Variants in FHIP1A observed in about 807,000 individuals in gnomAD.
FHIP1A encodes FHF complex subunit HOOK-interacting protein 1A.
A neutral mutation model predicts 88.6 loss-of-function variants in FHIP1A; 61 were observed. That is an observed-to-expected ratio of 0.69 (90% CI 0.56 to 0.85). The LOEUF is 0.85. FHIP1A is among the 40% of genes least tolerant of loss of function. The pLI is 0.00. For synonymous variants in FHIP1A, 478 were observed against 496.0 expected (o/e 0.96, Z 0.48); for missense variants, 1,154 against 1,273.5 (o/e 0.91, Z 1.43).
chr4:151,412,843 C>T (rs1279789299), intron 1 of FHIP1A, among the ~76,000 whole-genome samples: 1 of 151,470 alleles, frequency 6.6e-6, no homozygotes, highest in Admixed American at 6.6e-5. Context: ...CACCACCACG[C>T]CTGGCTAATT....
At chr4:151,473,322 T>A (rs997612681) in intron 2 of FHIP1A, among the ~76,000 whole-genome samples, 16 of 152,126 alleles carry the variant, frequency 1.1e-4, no homozygotes, top group African/African-American at 2.4e-4. Flanking sequence ...ATCTTTTTTT[T>A]AAAATTTATT....
rs1268244497 is a variant in FHIP1A, at chr4:151,669,129, A to G, written c.*6375A>G. Among the ~76,000 whole-genome samples, 1 of 152,268 alleles carries G rather than the reference A, an allele frequency of 6.6e-6. No homozygotes were observed. The highest frequency in any genetic ancestry group is 1.9e-4 in the East Asian group (1 of 5,202). Reference sequence around the variant, plus strand: ...ATCTTTGCGAATTTCTTGGGGTGTTAATGTAAACATATCTTTAGAATATCT... The same window carrying G: ...ATCTTTGCGAATTTCTTGGGGTGTTGATGTAAACATATCTTTAGAATATCT... On this transcript the variant is annotated 3_prime_UTR_variant, in exon 14 of 14. Transcript: ENST00000435205.
At chr4:151,526,345 C>T (rs138610642) in intron 3 of FHIP1A, among the ~76,000 whole-genome samples, 12,235 of 150,900 alleles carry the variant, frequency 0.081, 796 homozygotes, top group South Asian at 0.27. Context: ...CGGGCAGAGG[C>T]GCCCCTCACC....
At chr4:151,630,975 T>G (rs1352873577) in intron 8 of FHIP1A, among the ~76,000 whole-genome samples, 1 of 152,142 alleles carries the variant, frequency 6.6e-6, no homozygotes, top group Non-Finnish European at 1.5e-5. Flanking sequence ...AGACAAAATA[T>G]ATCCAGACTT....
At chr4:151,602,525 A>G (rs1215842590) in intron 7 of FHIP1A, among the ~76,000 whole-genome samples, 1 of 152,146 alleles carries the variant, frequency 6.6e-6, no homozygotes, top group Non-Finnish European at 1.5e-5. Context: ...GTGGGGAGGG[A>G]GAGAGTGACA....
chr4:151,551,446 A>G (rs993691779), intron 3 of FHIP1A, among the ~76,000 whole-genome samples: 1 of 152,246 alleles, frequency 6.6e-6, no homozygotes, highest in African/African-American at 2.4e-5. Flanking sequence ...CTATAAGGCT[A>G]CAGTAACCAA....
chr4:151,430,395 C>T (rs1380596139), intron 1 of FHIP1A, among the ~76,000 whole-genome samples: 1 of 152,166 alleles, frequency 6.6e-6, no homozygotes, highest in Non-Finnish European at 1.5e-5. Flanking sequence ...AGAACTGGGA[C>T]CACATTCTTT....
chr4:151,516,693 A>T (rs1290073488), intron 3 of FHIP1A, among the ~76,000 whole-genome samples: 1 of 152,272 alleles, frequency 6.6e-6, no homozygotes. Context: ...CAAAAGACAC[A>T]TGAAAAAATG....
intron 3 of FHIP1A, among the ~76,000 whole-genome samples, chr4:151,516,029 C>T (rs1484027383): frequency 1.3e-5 from 2 of 152,206 alleles, no homozygotes; most frequent in East Asian, 3.9e-4. Flanking sequence ...CTGGAGGCAT[C>T]ACACTACCTG....
At chr4:151,516,360 C>G (rs544831844) in intron 3 of FHIP1A, among the ~76,000 whole-genome samples, 10 of 151,880 alleles carry the variant, frequency 6.6e-5, no homozygotes, top group Admixed American at 2.6e-4. Context: ...AGAAGAAAAC[C>G]TAGGCATTAC....
intron 3 of FHIP1A, among the ~76,000 whole-genome samples, chr4:151,558,500 C>T (rs1262837747): frequency 1.3e-5 from 2 of 152,076 alleles, no homozygotes; most frequent in Non-Finnish European, 2.9e-5. Context: ...CGTCACTGTA[C>T]TCCAGCCTGA....
chr4:151,605,397 C>T (rs1735033351), intron 7 of FHIP1A, among the ~76,000 whole-genome samples: 1 of 152,094 alleles, frequency 6.6e-6, no homozygotes, highest in Admixed American at 6.5e-5. Flanking sequence ...ACATACCATC[C>T]CTTCTGCAGG....
chr4:151,415,338 C>A (rs1289383032), intron 1 of FHIP1A, among the ~76,000 whole-genome samples: 3 of 152,100 alleles, frequency 2.0e-5, no homozygotes, highest in Admixed American at 1.3e-4. Context: ...AGGTGTGCAT[C>A]ACCATGTCTG....
chr4:151,536,879 A>AT (rs1165443549), intron 3 of FHIP1A, among the ~76,000 whole-genome samples: 1 of 151,460 alleles, frequency 6.6e-6, no homozygotes, highest in African/African-American at 2.4e-5. Context: ...TTTATTCTTT[A>AT]TTTTTTTGTT....
intron 3 of FHIP1A, among the ~76,000 whole-genome samples, chr4:151,518,529 C>T (rs1418119100): frequency 6.6e-6 from 1 of 152,040 alleles, no homozygotes; most frequent in Non-Finnish European, 1.5e-5. Context: ...AAATTTCAAA[C>T]ATAGAGCAAA....
At chr4:151,489,376 G>C (rs1730201546) in intron 3 of FHIP1A, among the ~76,000 whole-genome samples, 1 of 152,154 alleles carries the variant, frequency 6.6e-6, no homozygotes, top group African/African-American at 2.4e-5. Context: ...AATTGGGGAG[G>C]GGCCACAGAG....
chr4:151,515,008 G>T (rs1408624253), intron 3 of FHIP1A, among the ~76,000 whole-genome samples: 2 of 151,956 alleles, frequency 1.3e-5, no homozygotes, highest in African/African-American at 4.8e-5. Flanking sequence ...CCAAAAAAGA[G>T]AATTTTAGAC....
chr4:151,575,002 CA>C (rs1358024208), intron 4 of FHIP1A, among the ~76,000 whole-genome samples: 3 of 151,958 alleles, frequency 2.0e-5, no homozygotes, highest in South Asian at 2.1e-4. Context: ...GTCAGATTAA[CA>C]AGTCAAAGGG....
intron 2 of FHIP1A, among the ~76,000 whole-genome samples, chr4:151,462,797 A>G (rs571305242): frequency 6.6e-6 from 1 of 152,326 alleles, no homozygotes; most frequent in East Asian, 1.9e-4. Context: ...AGCATGGCCC[A>G]TAAAATGCAA....
Sources: allele counts gnomAD v4.1 joint callset (sites outside exome capture counted in the v4.1 genomes callset), GRCh38; gene constraint gnomAD v4.1.1; transcripts MANE v1.5; gene names NCBI Gene and HGNC (gene_info 2026-07-23, HGNC 2026-07-21).